The following PPHLN1 variants were observed in gnomAD, a reference collection of about 807,000 sequenced individuals.
PPHLN1 encodes periphilin 1.
Under a neutral mutation model 51.3 loss-of-function variants are expected in PPHLN1, and 29 were observed. That is an observed-to-expected ratio of 0.57 (90% CI 0.42 to 0.77). The LOEUF is 0.77. Ranked by LOEUF, PPHLN1 falls within the 30% of genes least tolerant of loss-of-function variation. The probability of loss-of-function intolerance (pLI) is 0.00; values close to 1 mark genes in which losing one functional copy is unlikely to be tolerated. For missense variants in PPHLN1, 436 were observed against 438.4 expected (o/e 0.99, Z 0.05); for synonymous variants, 147 against 147.8 (o/e 0.99, Z 0.04).
At chr12:42,414,863 T>C (rs2080229864) in intron 9 of PPHLN1, among the ~76,000 whole-genome samples, 1 of 152,250 alleles carries the variant, frequency 6.6e-6, no homozygotes, top group Non-Finnish European at 1.5e-5. Context: ...TTTGGTTTTC[T>C]TTGCAAATTT....
intron 5 of PPHLN1, among the ~76,000 whole-genome samples, chr12:42,381,147 ATT>A (rs1431172226): frequency 6.6e-6 from 1 of 152,218 alleles, no homozygotes; most frequent in Non-Finnish European, 1.5e-5. Context: ...GATCTAGACT[ATT>A]AATGCACTGT....
intron 2 of PPHLN1, among the ~76,000 whole-genome samples, chr12:42,344,401 T>C (rs1820774703): frequency 6.6e-6 from 1 of 152,212 alleles, no homozygotes; most frequent in Non-Finnish European, 1.5e-5. Flanking sequence ...ATCAGCTTCA[T>C]TGCCAATCTT....
At chr12:42,329,863 A>G (rs1246234655) in intron 1 of PPHLN1, 3 of 152,174 alleles carry the variant, frequency 2.0e-5, no homozygotes, top group Admixed American at 6.5e-5. Flanking sequence ...ACACAGAGAC[A>G]AAGTATAGAG....
At chr12:42,442,786 T>G (rs1295226803), downstream of PPHLN1, 1 of 1,611,144 alleles carries the variant, frequency 6.2e-7, no homozygotes, top group African/African-American at 1.3e-5. Context: ...TCAGGGGAAT[T>G]CTCAAGCTAG....
chr12:42,403,474 A>G (rs2079016573), intron 9 of PPHLN1, among the ~76,000 whole-genome samples: 1 of 152,224 alleles, frequency 6.6e-6, no homozygotes, highest in South Asian at 2.1e-4. Context: ...GTAAAAGTAT[A>G]AAGTTTTTAT....
intron 9 of PPHLN1, among the ~76,000 whole-genome samples, chr12:42,421,341 TATTGATTGATTG>T (rs368017376): frequency 9.9e-5 from 15 of 151,938 alleles, no homozygotes; most frequent in African/African-American, 3.4e-4. Flanking sequence ...ATCTTTATTT[TATTGATTGATTG>T]ATTGATTGAT....
Position 42,385,126 on chromosome 12 carries a change from G to T in PPHLN1, c.568+130G>T, listed in dbSNP as rs1239496669. 7 of 929,740 alleles carry T rather than the reference G, an allele frequency of 7.5e-6. 1 individual carries two copies. In the East Asian group the frequency reaches 1.6e-4, roughly 21 times the overall value. 57.6% of individuals were successfully genotyped at this position (929,740 alleles called of 1,614,324 possible). A position where few individuals can be genotyped will look rare whatever the true frequency, so the allele number is the denominator to read the frequency against. On this transcript the variant is annotated intron_variant, in intron 6 of 9. Coordinates refer to ENST00000358314, the MANE Select transcript of PPHLN1 (RefSeq NM_201439.2). ...ATTGTGAGAACCACAGTTAGCAGTA[G>T]ACCTAGGTACTAGGATTTGGGGGGC...
downstream of PPHLN1, chr12:42,447,543 T>G (rs1472994144): frequency 1.3e-5 from 2 of 152,222 alleles, no homozygotes; most frequent in Non-Finnish European, 2.9e-5. Context: ...CACTTCCTGG[T>G]CACTTCAGCA....
chr12:42,446,632 C>G (rs1593086078), downstream of PPHLN1: 5 of 1,612,728 alleles, frequency 3.1e-6, no homozygotes, highest in East Asian at 1.1e-4. Context: ...CTATGCCTGA[C>G]AAAACTGTTG....
chr12:42,438,471 C>T (rs1430900751), intron 9 of PPHLN1, among the ~76,000 whole-genome samples: 2 of 152,152 alleles, frequency 1.3e-5, no homozygotes, highest in Non-Finnish European at 2.9e-5. Flanking sequence ...TTTTCAGTTT[C>T]CTAATAACAA....
chr12:42,393,794 C>T (rs2139193232), intron 8 of PPHLN1, 105 bp downstream of exon 8: 1 of 1,129,034 alleles, frequency 8.9e-7, no homozygotes, highest in African/African-American at 1.6e-5. Flanking sequence ...AAAATATATC[C>T]TTATGGATTA....
chr12:42,405,295 T>C (rs894012052), intron 9 of PPHLN1, among the ~76,000 whole-genome samples: 3 of 152,258 alleles, frequency 2.0e-5, no homozygotes, highest in Non-Finnish European at 4.4e-5. Flanking sequence ...CTGTCCTCTC[T>C]TAACTATTGT....
At chr12:42,409,452 T>C (rs1264293662) in intron 9 of PPHLN1, among the ~76,000 whole-genome samples, 1 of 152,172 alleles carries the variant, frequency 6.6e-6, no homozygotes, top group Non-Finnish European at 1.5e-5. Flanking sequence ...AGATGTCTTT[T>C]AAAGGTTAAT....
intron 9 of PPHLN1, chr12:42,433,290 C>G (rs2082198513): frequency 1.6e-6 from 1 of 644,284 alleles, no homozygotes; most frequent in East Asian, 3.2e-5. Context: ...TGGAGGTAAT[C>G]TAACCTCATT....
Position 42,387,477 on chromosome 12 carries a change from C to G in PPHLN1, c.590C>G (p.Ser197Cys). The G allele has an allele frequency of 6.2e-7, 1 of 1,613,258 alleles. No homozygotes were observed. Among genetic ancestry groups the G allele is most frequent in the South Asian group, 1.1e-5 (1 of 90,818 alleles). ...ATAGATAAAGAGAGGCCTGTCCAGT[C>G]TTTGAAAACATCAAGAGATACTTCA... ...PERDKERPVQ[S>C]LKTSRDTSPS... Residue 197 changes from serine (S) to cysteine (C), a missense_variant, in exon 7 of 10, where the codon TCT becomes TGT. Ser to Cys is a moderately radical substitution (Grantham distance 112, BLOSUM62 -1). Transcript: ENST00000358314.
intron 5 of PPHLN1, among the ~76,000 whole-genome samples, chr12:42,376,295 A>G (rs1300646492): frequency 2.6e-5 from 4 of 152,208 alleles, no homozygotes; most frequent in Admixed American, 2.0e-4. Context: ...TGCCTCTTAC[A>G]TGATGAAAGT....
chr12:42,427,490 G>A (rs553490370), intron 9 of PPHLN1, among the ~76,000 whole-genome samples: 7 of 152,012 alleles, frequency 4.6e-5, no homozygotes, highest in African/African-American at 7.2e-5. Context: ...ACTGATCTTC[G>A]ACAAAGCAAA....
chr12:42,406,488 A>G (rs1347079578), intron 9 of PPHLN1, among the ~76,000 whole-genome samples: 1 of 152,154 alleles, frequency 6.6e-6, no homozygotes, highest in Non-Finnish European at 1.5e-5. Context: ...GTTACATGTT[A>G]TGTATCTCCT....
chr12:42,399,380 A>G (rs1302318421), intron 9 of PPHLN1: 8 of 871,860 alleles, frequency 9.2e-6, no homozygotes, highest in Admixed American at 6.2e-5. Flanking sequence ...ACTTTAAGGT[A>G]GTTTCCAAAT....
Sources: allele counts gnomAD v4.1 joint callset (sites outside exome capture counted in the v4.1 genomes callset), GRCh38; gene constraint gnomAD v4.1.1; transcripts MANE v1.5; gene names NCBI Gene and HGNC (gene_info 2026-07-23, HGNC 2026-07-21).